The following CNTN5 variants were observed in gnomAD, a reference collection of about 807,000 sequenced individuals.
CNTN5 encodes contactin-5.
CNTN5 carries 77 observed loss-of-function variants against 129.1 expected under a neutral mutation model. The ratio of observed to expected loss-of-function variants is 0.60; its 90% CI spans 0.50 to 0.72. CNTN5 has a LOEUF of 0.72. CNTN5 is among the 30% of genes least tolerant of loss of function. The pLI is 0.00. For synonymous variants in CNTN5, 509 were observed against 465.6 expected (o/e 1.09, Z -1.20); for missense variants, 1,478 against 1,328.8 (o/e 1.11, Z -1.75).
intron 8 of CNTN5, 69 bp downstream of exon 8, chr11:99,957,078 G>GTT (rs375312209): frequency 7.9e-4 from 910 of 1,148,422 alleles, no homozygotes; most frequent in Non-Finnish European, 9.4e-4. Context: ...ATTAGTGTGT[G>GTT]TTTTTTTTTT....
chr11:100,036,890 G>C (rs1040587560), intron 9 of CNTN5, among the ~76,000 whole-genome samples: 19 of 145,066 alleles, frequency 1.3e-4, no homozygotes, highest in Non-Finnish European at 3.0e-5. Flanking sequence ...GGGTTTTCTG[G>C]ATGTGCATTC....
At chr11:100,239,706 A>G (rs1167852607) in intron 16 of CNTN5, among the ~76,000 whole-genome samples, 1 of 152,234 alleles carries the variant, frequency 6.6e-6, no homozygotes, top group East Asian at 1.9e-4. Context: ...AGTGTGAATG[A>G]CTTTCAAGTT....
At chr11:99,123,034 A>G (rs1858431408) in intron 1 of CNTN5, among the ~76,000 whole-genome samples, 2 of 152,118 alleles carry the variant, frequency 1.3e-5, no homozygotes, top group South Asian at 4.1e-4. Context: ...ATGACAGAAC[A>G]AGTTATATTC....
intron 9 of CNTN5, among the ~76,000 whole-genome samples, chr11:100,040,165 G>T (rs1346805680): frequency 6.6e-6 from 1 of 152,028 alleles, no homozygotes; most frequent in Non-Finnish European, 1.5e-5. Flanking sequence ...TGTCCTTTCT[G>T]TTTGTTAGTT....
chr11:99,219,665 A>C (rs866113916), intron 1 of CNTN5, among the ~76,000 whole-genome samples: 3 of 148,494 alleles, frequency 2.0e-5, no homozygotes, highest in African/African-American at 7.4e-5. Flanking sequence ...AGTAAGATTA[A>C]AAAAAAAAAA....
At chr11:99,925,587 G>C (rs1950042528) in intron 7 of CNTN5, among the ~76,000 whole-genome samples, 1 of 152,114 alleles carries the variant, frequency 6.6e-6, no homozygotes, top group Non-Finnish European at 1.5e-5. Flanking sequence ...TTGGCCTTGA[G>C]ACTCCTTGGA....
At chr11:99,038,520 A>T (rs2135126637) in intron 1 of CNTN5, among the ~76,000 whole-genome samples, 1 of 152,214 alleles carries the variant, frequency 6.6e-6, no homozygotes, top group African/African-American at 2.4e-5. Context: ...GCTAGAACTG[A>T]TTCCTCCTGT....
intron 3 of CNTN5, among the ~76,000 whole-genome samples, chr11:99,560,421 A>T (rs1053987053): frequency 2.0e-5 from 3 of 151,898 alleles, no homozygotes; most frequent in Non-Finnish European, 4.4e-5. Flanking sequence ...ACTCCCGAGT[A>T]GCTGGGATTA....
In CNTN5 at chr11:99,960,115, G is replaced by A. The variant is rs77760226; in HGVS notation, c.877+3106G>A. ...ATAAAATGCTAGAAAATATCTGCAC[G>A]TCTTGGTTACTCAAGCTTAAACAAT... On this transcript the variant is annotated intron_variant, in intron 8 of 24. Coordinates refer to ENST00000524871, the MANE Select transcript of CNTN5 (RefSeq NM_014361.4). Among the ~76,000 whole-genome samples the A allele has an allele frequency of 6.6e-4, 101 of 152,204 alleles. No individual in the cohort carries two copies. In the East Asian group the frequency reaches 0.018, roughly 28 times the overall value.
At chr11:99,075,118 A>C (rs6589883) in intron 1 of CNTN5, among the ~76,000 whole-genome samples, 4,974 of 152,286 alleles carry the variant, frequency 0.033, 224 homozygotes, top group African/African-American at 0.098. Context: ...TTTTTACAAA[A>C]CATCTAACAA....
intron 4 of CNTN5, among the ~76,000 whole-genome samples, chr11:99,820,416 T>C (rs1946761717): frequency 6.6e-6 from 1 of 152,296 alleles, no homozygotes. Context: ...TTAGCATTAC[T>C]TATGAATGGA....
intron 20 of CNTN5, among the ~76,000 whole-genome samples, chr11:100,303,137 C>A (rs1951266828): frequency 6.6e-6 from 1 of 151,518 alleles, no homozygotes; most frequent in African/African-American, 2.4e-5. Flanking sequence ...GAGATATTTG[C>A]CTGCCAAGAT....
At chr11:99,390,294 A>T (rs950977849) in intron 2 of CNTN5, among the ~76,000 whole-genome samples, 3 of 151,928 alleles carry the variant, frequency 2.0e-5, no homozygotes, top group Admixed American at 1.3e-4. Flanking sequence ...ATCTGTTTTT[A>T]TTTTTCATAG....
At chr11:100,296,093 T>A (rs1034714669) in intron 18 of CNTN5, among the ~76,000 whole-genome samples, 37 of 151,544 alleles carry the variant, frequency 2.4e-4, no homozygotes, top group African/African-American at 8.5e-4. Context: ...AAAATTTGGA[T>A]CCCTGTCCTT....
At chr11:99,517,614 C>A (rs1225112544) in intron 2 of CNTN5, among the ~76,000 whole-genome samples, 2 of 152,058 alleles carry the variant, frequency 1.3e-5, no homozygotes, top group Non-Finnish European at 2.9e-5. Context: ...TATTTTCTCA[C>A]CTGCCTTTCT....
intron 2 of CNTN5, among the ~76,000 whole-genome samples, chr11:99,551,822 T>A (rs933886387): frequency 1.3e-5 from 2 of 152,078 alleles, no homozygotes; most frequent in African/African-American, 4.8e-5. Context: ...TATGGGAACA[T>A]CATCATATAT....
chr11:99,801,129 G>T (rs1946101378), intron 3 of CNTN5, among the ~76,000 whole-genome samples: 1 of 152,138 alleles, frequency 6.6e-6, no homozygotes, highest in African/African-American at 2.4e-5. Flanking sequence ...CTGGCCTAGT[G>T]CTAATGAATT....
chr11:99,597,691 T>C (rs1012911770), intron 3 of CNTN5, among the ~76,000 whole-genome samples: 2 of 152,164 alleles, frequency 1.3e-5, no homozygotes, highest in Non-Finnish European at 2.9e-5. Flanking sequence ...TAAGACTAAC[T>C]TGTGGCACAT....
chr11:99,793,100 C>T (rs1945810062), intron 3 of CNTN5, among the ~76,000 whole-genome samples: 1 of 151,780 alleles, frequency 6.6e-6, no homozygotes, highest in Non-Finnish European at 1.5e-5. Flanking sequence ...CACTCTGTCG[C>T]CCAGGCTGGA....
Sources: gnomAD v4.1 joint callset for allele counts (sites outside exome capture counted in the v4.1 genomes callset) on GRCh38, gnomAD v4.1.1 for gene constraint, MANE v1.5 for transcripts, NCBI Gene and HGNC (gene_info 2026-07-23, HGNC 2026-07-21) for gene names.